The following FANCI variants were observed in gnomAD, a reference collection of about 807,000 sequenced individuals.
FANCI encodes FA complementation group I.
In FANCI, 156 loss-of-function variants were observed where a neutral mutation model predicts 176.1. That is an observed-to-expected ratio of 0.89 (90% CI 0.78 to 1.01). The LOEUF is 1.01. FANCI is among the 50% of genes least tolerant of loss of function. FANCI has a pLI of 0.00. For missense variants in FANCI, 1,678 were observed against 1,534.1 expected (o/e 1.09, Z -1.57); for synonymous variants, 613 against 541.7 (o/e 1.13, Z -1.83).
In FANCI at chr15:89,277,558, G is replaced by A. The variant is rs1012199989; in HGVS notation, c.1293+667G>A. The stretch of plus-strand genomic sequence containing the variant: ...GCCCAGGAAGTCAAGGCTACAGTGA[G>A]CTGTGTTTGCACCACTGCACTCCAG... On this transcript the variant is annotated intron_variant, in intron 13 of 37. Transcript: ENST00000310775. Among the ~76,000 whole-genome samples, 5 of 149,020 alleles carry A rather than the reference G, an allele frequency of 3.4e-5. No homozygotes were observed. The South Asian group carries it at 8.4e-4, about 25-fold the overall frequency.
At chr15:89,274,135 T>A in intron 11 of FANCI, 33 bp from the exon 12 acceptor site, 1 of 1,458,826 alleles carries the variant, frequency 6.9e-7, no homozygotes, top group Non-Finnish European at 9.3e-7. Flanking sequence ...TATTTATTTA[T>A]TTTTTCATTT....
intron 24 of FANCI, among the ~76,000 whole-genome samples, chr15:89,296,971 ACCC>A (rs575310390): frequency 1.0e-5 from 1 of 96,848 alleles, no homozygotes; most frequent in African/African-American, 4.1e-5. Flanking sequence ...CGGGGGGCTG[ACCC>A]CCCCCACCTC....
At chr15:89,299,742 T>A in intron 24 of FANCI, 58 bp from the exon 25 acceptor site, 1 of 1,569,330 alleles carries the variant, frequency 6.4e-7, no homozygotes, top group Non-Finnish European at 8.7e-7. Context: ...TTTTACTGTT[T>A]GTTATTTTAT....
intron 13 of FANCI, among the ~76,000 whole-genome samples, chr15:89,277,146 TAA>T (rs1232542119): frequency 6.6e-6 from 1 of 152,230 alleles, no homozygotes; most frequent in Non-Finnish European, 1.5e-5. Context: ...AGTTTGAATA[TAA>T]GACAGCTTTT....
At position 89,276,857 on chromosome 15, in the gene FANCI, A is replaced by C. The variant is rs1367543490; in HGVS notation, c.1259A>C (p.Lys420Thr). Reference protein sequence around the residue: ...LSRMPNQHACKLGANILLETF... With the variant: ...LSRMPNQHACTLGANILLETF... ...AGAATGCCAAACCAGCATGCATGTA[A>C]GCTCGGAGCTAATATCCTGTTGGAA... is the stretch of plus-strand genomic sequence containing the variant. The change falls in exon 13 of 38, where the codon AAG becomes ACG. Residue 420 changes from lysine to threonine, a missense_variant. Around this residue, in one of 3 missense-constraint regions of FANCI, gnomAD observed 1,204 missense variants for 1,077.4 expected, o/e 1.12. Transcript: ENST00000310775. The C allele has an allele frequency of 6.2e-7, 1 of 1,614,206 alleles. No homozygotes were observed. The highest frequency in any genetic ancestry group is 1.7e-5 in the Admixed American group (1 of 60,034).
At chr15:89,313,109 A>T in intron 35 of FANCI, 137 bp downstream of exon 35, 3 of 857,520 alleles carry the variant, frequency 3.5e-6, no homozygotes, top group African/African-American at 1.7e-5. Context: ...TCATCTAAAA[A>T]GGCAAACTAG....
Position 89,314,552 on chromosome 15 carries a change from A to G in FANCI, c.3721-60A>G. 2.4e-6 allele frequency: 3 copies of G among 1,265,086 alleles called. No individual in the cohort carries two copies. In the South Asian group the frequency reaches 3.6e-5, roughly 15 times the overall value. 78.4% of individuals were successfully genotyped at this position (1,265,086 alleles called of 1,614,324 possible). On this transcript the variant is annotated intron_variant, in intron 35 of 37. Coordinates refer to ENST00000310775, the MANE Select transcript of FANCI (RefSeq NM_001113378.2). The stretch of plus-strand genomic sequence containing the variant: ...ATACAGTTTTGTAAGTGACAGCTTC[A>G]GAGGAAAACTTCAAAAACCATTGAA...
At chr15:89,293,322 C>T (rs1440273375) in intron 22 of FANCI, among the ~76,000 whole-genome samples, 1 of 152,172 alleles carries the variant, frequency 6.6e-6, no homozygotes, top group Non-Finnish European at 1.5e-5. Context: ...TTCAAGAACT[C>T]CTAATTTTAA....
intron 12 of FANCI, among the ~76,000 whole-genome samples, chr15:89,275,438 C>T (rs556462925): frequency 6.6e-6 from 1 of 152,190 alleles, no homozygotes; most frequent in Non-Finnish European, 1.5e-5. Context: ...CTATGTCATG[C>T]TTTCACTGTG....
chr15:89,311,885 C>G (rs2054978907), intron 34 of FANCI, among the ~76,000 whole-genome samples: 1 of 152,172 alleles, frequency 6.6e-6, no homozygotes, highest in South Asian at 2.1e-4. Context: ...CTGTACCGTA[C>G]CTTACATTTG....
chr15:89,312,836 T>A (rs889624519), intron 34 of FANCI, 68 bp from the exon 35 acceptor site: 31 of 1,119,004 alleles, frequency 2.8e-5, no homozygotes, highest in East Asian at 5.1e-5. Context: ...AAAAAAAAAA[T>A]TAGCACTAGC....
Position 89,285,099 on chromosome 15 carries a change from C to A in FANCI, c.1702C>A (p.His568Asn). 6.2e-7 allele frequency: 1 copy of A among 1,614,040 alleles called. No homozygotes were observed. Among genetic ancestry groups the A allele is most frequent in the Non-Finnish European group, 8.5e-7 (1 of 1,179,982 alleles). ...AATTGGCCTGTCTTCCTTTCAGGTT[C>A]ATGTGGATGTTCACAGCCATTACAA... ...CSQSLSVSQV[H>N]VDVHSHYNSV... The change falls in exon 18 of 38, where the codon CAT becomes AAT. Residue 568 changes from histidine (H) to asparagine (N), a missense_variant. By Grantham distance (68) the His-to-Asn change is moderately conservative. Transcript: ENST00000310775.
chr15:89,303,842 A>G (rs2054613474), intron 27 of FANCI, 22 bp from the exon 28 acceptor site: 2 of 1,609,490 alleles, frequency 1.2e-6, no homozygotes, highest in Non-Finnish European at 1.7e-6. Flanking sequence ...TTTCTTTAAT[A>G]TCTGAATGAT....
chr15:89,292,104 C>T (rs781005390), intron 20 of FANCI, among the ~76,000 whole-genome samples: 3 of 152,194 alleles, frequency 2.0e-5, no homozygotes, highest in African/African-American at 7.2e-5. Flanking sequence ...AGGATTGGCA[C>T]TGTTGAACCT....
chr15:89,278,747 G>A lies in FANCI; in HGVS notation c.1354G>A (p.Ala452Thr), dbSNP rs1490585651. ...GGTCCTCAACAGGGTTGTTACCAGA[G>A]CATCTTCTCCCATCAGTCATTTCTT... ...EQVLNRVVTR[A>T]SSPISHFLDL... The change falls in exon 14 of 38, where the codon GCA becomes ACA. Residue 452 changes from alanine to threonine, a missense_variant. By Grantham distance (58) the Ala-to-Thr change is moderately conservative. This residue lies in a region of FANCI where 1,204 missense variants were observed against 1,077.4 expected (regional missense o/e 1.12). Transcript: ENST00000310775. 14 of 1,613,584 alleles carry A rather than the reference G, an allele frequency of 8.7e-6. No homozygotes were observed. The highest frequency in any genetic ancestry group is 1.1e-5 in the Non-Finnish European group (13 of 1,179,688).
intron 18 of FANCI, 48 bp from the exon 19 acceptor site, chr15:89,290,165 C>T (rs1488054424): frequency 7.3e-7 from 1 of 1,364,936 alleles, no homozygotes; most frequent in Non-Finnish European, 1.0e-6. Context: ...GTCCAGATCA[C>T]TAGTATCTCT....
chr15:89,260,931 C>T (rs957311816), intron 4 of FANCI, 88 bp downstream of exon 4: 3 of 1,490,224 alleles, frequency 2.0e-6, no homozygotes, highest in Non-Finnish European at 1.9e-6. Flanking sequence ...AGTGCCCAAC[C>T]TAGCATAGTC....
intron 2 of FANCI, among the ~76,000 whole-genome samples, chr15:89,249,598 T>A (rs891266783): frequency 3.3e-5 from 5 of 152,202 alleles, no homozygotes; most frequent in Non-Finnish European, 7.3e-5. Context: ...TCCACCCACC[T>A]CAGCCTCCCA....
chr15:89,260,575 T>G lies in FANCI; in HGVS notation c.158-138T>G, dbSNP rs2052671809. 2.7e-6 allele frequency: 3 copies of G among 1,116,056 alleles called. No individual in the cohort carries two copies. The East Asian group carries it at 7.8e-5, about 29-fold the overall frequency. 69.1% of individuals were successfully genotyped at this position (1,116,056 alleles called of 1,614,324 possible). On this transcript the variant is annotated intron_variant, in intron 3 of 37. Coordinates refer to ENST00000310775, the MANE Select transcript of FANCI (RefSeq NM_001113378.2). The stretch of plus-strand genomic sequence containing the variant: ...AGCACTTTTTCAAAGCCCTTAACCA[T>G]TGCTGTTCTAAGCACCGTAGTAATC...
Sources: allele counts gnomAD v4.1 joint callset (sites outside exome capture counted in the v4.1 genomes callset), GRCh38; gene constraint gnomAD v4.1.1; regional missense constraint gnomAD v4.1.1; transcripts MANE v1.5; gene names NCBI Gene and HGNC (gene_info 2026-07-23, HGNC 2026-07-21).